KNSTRN: variants seen among roughly 807,000 people sequenced by gnomAD.
KNSTRN encodes small kinetochore-associated protein.
KNSTRN carries 38 observed loss-of-function variants against 44.7 expected under a neutral mutation model. The observed-to-expected ratio is 0.85, with a 90% confidence interval of 0.66 to 1.11. KNSTRN has a LOEUF of 1.11. Ranked by LOEUF, KNSTRN falls within the 50% of genes most tolerant of loss-of-function variation. KNSTRN has a pLI of 0.00. For missense variants in KNSTRN, 406 were observed against 375.8 expected (o/e 1.08, Z -0.66); for synonymous variants, 158 against 148.1 (o/e 1.07, Z -0.48).
intron 4 of KNSTRN, chr15:40,389,150 T>C (rs1282143866): frequency 2.2e-6 from 1 of 457,472 alleles, no homozygotes; most frequent in African/African-American, 2.0e-5. Context: ...CGTATTTTTC[T>C]TTCTTTTTTT....
chr15:40,386,509 T>C lies in KNSTRN; in HGVS notation c.437+15T>C. 6.2e-7 allele frequency: 1 copy of C among 1,610,754 alleles called. No individual in the cohort carries two copies. ...CGAGAGAATGGGTGAGAACGGATCA[T>C]TAGTATCCAGTTAGAACATCTTCCT... On this transcript the variant is annotated intron_variant, in intron 3 of 8. Transcript: ENST00000249776.
At chr15:40,388,937 A>G (rs1363907538) in intron 4 of KNSTRN, among the ~76,000 whole-genome samples, 1 of 152,150 alleles carries the variant, frequency 6.6e-6, no homozygotes, top group Non-Finnish European at 1.5e-5. Flanking sequence ...AACATTAGAT[A>G]ATAGCCCAGC....
chr15:40,382,979 A>T lies in KNSTRN; in HGVS notation c.144A>T (p.Thr48=), dbSNP rs773294791. 4 of 1,612,090 alleles carry T rather than the reference A, an allele frequency of 2.5e-6. No homozygotes were observed. Among genetic ancestry groups the T allele is most frequent in the Non-Finnish European group, 3.4e-6 (4 of 1,180,046 alleles). ...CGGCCGACTTAGCCGGTGGCACGAC[A>T]GTTGCTGCAGGGAATCTTTTAAACG... ...TQAADLAGGT[T]VAAGNLLNES... The change falls in exon 1 of 9, where the codon ACA becomes ACT. Residue 48 remains threonine, a synonymous_variant. Coordinates refer to ENST00000249776, the MANE Select transcript of KNSTRN (RefSeq NM_033286.4).
chr15:40,388,411 G>T (rs544589596), intron 4 of KNSTRN, among the ~76,000 whole-genome samples: 1 of 152,210 alleles, frequency 6.6e-6, no homozygotes, highest in Non-Finnish European at 1.5e-5. Flanking sequence ...GCTTAAGAAT[G>T]CCTTTAAGGG....
At chr15:40,384,755 G>A (rs1435128038) in intron 2 of KNSTRN, 1 of 188,654 alleles carries the variant, frequency 5.3e-6, no homozygotes. Flanking sequence ...AAAAAAAAAG[G>A]TGGAAAACCA....
chr15:40,390,571 T>G (rs1035596775), intron 6 of KNSTRN, among the ~76,000 whole-genome samples: 1 of 151,656 alleles, frequency 6.6e-6, no homozygotes, highest in Non-Finnish European at 1.5e-5. Context: ...TAAGGAATAC[T>G]GACTTTGAAT....
At chr15:40,391,663 T>C in intron 7 of KNSTRN, 109 bp downstream of exon 7, 1 of 902,364 alleles carries the variant, frequency 1.1e-6, no homozygotes, top group South Asian at 1.5e-5. Context: ...CAGCCTTTGA[T>C]TATCTGTGAT....
At chr15:40,383,136 C>A in intron 1 of KNSTRN, 92 bp downstream of exon 1, 1 of 1,582,970 alleles carries the variant, frequency 6.3e-7, no homozygotes, top group Non-Finnish European at 8.7e-7. Flanking sequence ...CAACCCCGAG[C>A]CGGGGCCTGT....
At chr15:40,386,226 C>T in intron 2 of KNSTRN, 136 bp from the exon 3 acceptor site, 2 of 967,890 alleles carry the variant, frequency 2.1e-6, no homozygotes, top group Non-Finnish European at 2.9e-6. Context: ...GACTCTGTCT[C>T]AAAAAAATAA....
In KNSTRN at chr15:40,386,989, A is replaced by T. The variant is rs145143516; in HGVS notation, c.438-170A>T. The stretch of plus-strand genomic sequence containing the variant: ...TTGCTACTAAAAAGCCTTTTCAATA[A>T]TCTGTGCCGAAGCAGTAATGCATAG... On this transcript the variant is annotated intron_variant, in intron 3 of 8. Transcript: ENST00000249776. The T allele has an allele frequency of 6.3e-6, 4 of 633,496 alleles. No homozygotes were observed. In the East Asian group the frequency reaches 1.1e-4, roughly 17 times the overall value. 39.2% of individuals were successfully genotyped at this position (633,496 alleles called of 1,614,324 possible).
At position 40,383,174 on chromosome 15, in the gene KNSTRN, C is replaced by G. The variant is rs1204230679; in HGVS notation, c.210-54C>G. ...GGTCGCGCTATCCCCGGGCCCTCCA[C>G]TCTCTCGGGCCCAGTGGCCCAGCGC... On this transcript the variant is annotated intron_variant, in intron 1 of 8. Transcript: ENST00000249776. 3.8e-6 allele frequency: 6 copies of G among 1,584,472 alleles called. No individual in the cohort carries two copies. In the East Asian group the frequency reaches 1.1e-4, roughly 30 times the overall value.
intron 6 of KNSTRN, among the ~76,000 whole-genome samples, chr15:40,390,334 C>T (rs1165068750): frequency 6.6e-6 from 1 of 152,186 alleles, no homozygotes; most frequent in African/African-American, 2.4e-5. Flanking sequence ...TACTAGTAAT[C>T]CCAAATGGGA....
chr15:40,390,024 T>C (rs924552599), intron 6 of KNSTRN, 95 bp downstream of exon 6: 9 of 928,018 alleles, frequency 9.7e-6, no homozygotes, highest in African/African-American at 1.6e-5. Context: ...GCTGGCCCAG[T>C]ATGTGCAGGG....
chr15:40,386,550 C>T, intron 3 of KNSTRN, 56 bp downstream of exon 3: 7 of 1,581,944 alleles, frequency 4.4e-6, no homozygotes, highest in Non-Finnish European at 5.2e-6. Context: ...TTGCTCAATA[C>T]AAAGAATTAG....
At chr15:40,393,370 T>A in intron 8 of KNSTRN, 99 bp from the exon 9 acceptor site, 2 of 1,590,320 alleles carry the variant, frequency 1.3e-6, no homozygotes, top group East Asian at 4.5e-5. Flanking sequence ...TCTTCCTTAG[T>A]GGAATAGGAG....
chr15:40,389,736 C>T, intron 5 of KNSTRN, 100 bp from the exon 6 acceptor site: 2 of 1,368,770 alleles, frequency 1.5e-6, no homozygotes, highest in Non-Finnish European at 2.1e-6. Flanking sequence ...AAAAAAAAAG[C>T]CAGGCTTTTG....
chr15:40,386,957 T>A, intron 3 of KNSTRN: 1 of 600,858 alleles, frequency 1.7e-6, no homozygotes, highest in South Asian at 2.0e-5. Flanking sequence ...GTCGGAGGCA[T>A]GCCCCTTTGC....
rs768208098 is a variant in KNSTRN, at chr15:40,387,120, G to A, written c.438-39G>A. ...TGTTCACAGCACACTTAACAGTACT[G>A]TAAGTCTCTGATTCATTTCTTTGTT... On this transcript the variant is annotated intron_variant, in intron 3 of 8. Coordinates refer to ENST00000249776, the MANE Select transcript of KNSTRN (RefSeq NM_033286.4). 6.7e-6 allele frequency: 10 copies of A among 1,496,830 alleles called. 1 individual carries two copies. The South Asian group carries it at 9.1e-5, about 14-fold the overall frequency. The allele number at this position is 1,496,830 out of a possible 1,614,324, so 92.7% of individuals were successfully genotyped here.
rs1889845085 is a variant in KNSTRN at position 40,383,258 on chromosome 15, C to G, written c.240C>G (p.Thr80=). 1 of 1,614,002 alleles carries G rather than the reference C, an allele frequency of 6.2e-7. No homozygotes were observed. The highest frequency in any genetic ancestry group is 8.5e-7 in the Non-Finnish European group (1 of 1,179,992). ...GVQPCRLVTM[T]SVVKTVYSLQ... is the part of the protein sequence containing the mutation. Reference sequence around the variant, plus strand: ...AGCCGTGCCGCCTCGTTACGATGACCAGTGTGGTTAAGACAGTGTATAGCC... The same window carrying G: ...AGCCGTGCCGCCTCGTTACGATGACGAGTGTGGTTAAGACAGTGTATAGCC... The change falls in exon 2 of 9, where the codon ACC becomes ACG. Residue 80 remains threonine, a synonymous_variant. Transcript: ENST00000249776.
Sources: allele counts gnomAD v4.1 joint callset (sites outside exome capture counted in the v4.1 genomes callset), GRCh38; gene constraint gnomAD v4.1.1; transcripts MANE v1.5; gene names NCBI Gene and HGNC (gene_info 2026-07-23, HGNC 2026-07-21).